Variants in ARGLU1 observed in about 807,000 individuals in gnomAD.
ARGLU1 encodes arginine and glutamate rich 1.
A neutral mutation model predicts 37.6 loss-of-function variants in ARGLU1; 9 were observed. That is an observed-to-expected ratio of 0.24 (90% CI 0.14 to 0.42). The LOEUF (loss-of-function observed/expected upper bound fraction) is 0.42, where lower values mean the gene tolerates loss of function less well. Among genes scored for constraint, ARGLU1 ranks in the 10% least tolerant of loss-of-function variants. ARGLU1 has a pLI of 1.00. For synonymous variants in ARGLU1, 166 were observed against 138.5 expected, an observed-to-expected ratio of 1.20 and a Z score of -1.39; for missense variants, 211 against 359.2, an observed-to-expected ratio of 0.59 and a Z score of 3.34.
chr13:106,557,239 C>A lies in ARGLU1; in HGVS notation c.574-108G>T, dbSNP rs1380600502. On this transcript the variant is annotated intron_variant, in intron 2 of 3. Coordinates refer to ENST00000400198, the MANE Select transcript of ARGLU1 (RefSeq NM_018011.4). This position sits in a 1 kb window ranked among gnomAD's most constrained non-coding sequence, Gnocchi z 5.0. ...TTTTTTGATATGACTTACAGGGTAG[C>A]TTTATAGCTACCTTCTGTCTGACAA... 6 of 948,978 alleles carry A rather than the reference C, an allele frequency of 6.3e-6. No homozygotes were observed. The highest frequency in any genetic ancestry group is 9.6e-6 in the Non-Finnish European group (6 of 626,792). 58.8% of individuals were successfully genotyped at this position (948,978 alleles called of 1,614,324 possible).
At chr13:106,558,522 T>G (rs1365481868) in intron 2 of ARGLU1, 12 of 985,362 alleles carry the variant, frequency 1.2e-5, no homozygotes, top group Non-Finnish European at 1.4e-5. Flanking sequence ...ATATTCATTA[T>G]GCAAACTATG....
chr13:106,547,294 C>G (rs1003220875), intron 3 of ARGLU1, among the ~76,000 whole-genome samples: 1 of 152,154 alleles, frequency 6.6e-6, no homozygotes, highest in Non-Finnish European at 1.5e-5. Context: ...CTCACACTAT[C>G]AAAATTACAT....
chr13:106,548,752 T>C (rs561733481), intron 3 of ARGLU1, among the ~76,000 whole-genome samples: 1 of 152,272 alleles, frequency 6.6e-6, no homozygotes, highest in South Asian at 2.1e-4. Context: ...CTATTTTATT[T>C]ATTTATTTAT....
At position 106,559,591 on chromosome 13, in the gene ARGLU1, T is replaced by C. The variant is rs2138973220; in HGVS notation, c.414A>G (p.Val138=). Residue 138 remains valine (V), a synonymous_variant, in exon 2 of 4, where the codon GTA becomes GTG. Coordinates refer to ENST00000400198, the MANE Select transcript of ARGLU1 (RefSeq NM_018011.4). Reference sequence around the variant, plus strand: ...CCAGTTCTTCCTCCACCCTTTTTGCTACCAATTCTTCTACTCTTCGTGCTG... The same window carrying C: ...CCAGTTCTTCCTCCACCCTTTTTGCCACCAATTCTTCTACTCTTCGTGCTG... The part of the protein sequence containing the change: ...EETARRVEEL[V]AKRVEEELEK... The C allele has an allele frequency of 6.2e-7, 1 of 1,614,238 alleles. No homozygotes were observed. Among genetic ancestry groups the C allele is most frequent in the East Asian group, 2.2e-5 (1 of 44,884 alleles).
In ARGLU1 at chr13:106,552,438, G is replaced by A. The variant is rs934384197; in HGVS notation, c.657+4610C>T. Among the ~76,000 whole-genome samples the A allele has an allele frequency of 4.6e-5, 7 of 152,020 alleles. No homozygotes were observed. In the East Asian group the frequency reaches 9.6e-4, roughly 21 times the overall value. ...ATCAATCTATTATTATAGTTTAGGC[G>A]TTTACACCAGATTCACTAGCCAGGT... On this transcript the variant is annotated intron_variant, in intron 3 of 3. Coordinates refer to ENST00000400198, the MANE Select transcript of ARGLU1 (RefSeq NM_018011.4).
At chr13:106,565,580 C>T (rs935729100) in intron 1 of ARGLU1, among the ~76,000 whole-genome samples, 3 of 152,198 alleles carry the variant, frequency 2.0e-5, no homozygotes, top group Admixed American at 6.5e-5. Context: ...GCTCAATAAA[C>T]ATCAGTTAAA....
At chr13:106,556,970 C>A in intron 3 of ARGLU1, 78 bp downstream of exon 3, 1 of 1,335,114 alleles carries the variant, frequency 7.5e-7, no homozygotes. Context: ...TTATAGGGCA[C>A]AAAAATCAAT....
chr13:106,561,541 G>A (rs749521633), intron 1 of ARGLU1, among the ~76,000 whole-genome samples: 49 of 151,830 alleles, frequency 3.2e-4, no homozygotes, highest in Non-Finnish European at 4.9e-4. Context: ...TTTCAAAACC[G>A]GTACAATGTG....
chr13:106,568,117 C>A lies in ARGLU1; in HGVS notation c.-198G>T, dbSNP rs565427919. 1 of 817,126 alleles carries A rather than the reference C, an allele frequency of 1.2e-6. No homozygotes were observed. Among genetic ancestry groups the A allele is most frequent in the Non-Finnish European group, 1.8e-6 (1 of 562,044 alleles). 50.6% of individuals were successfully genotyped at this position (817,126 alleles called of 1,614,324 possible). A position where few individuals can be genotyped will look rare whatever the true frequency, so the allele number is the denominator to read the frequency against. On this transcript the variant is annotated 5_prime_UTR_variant, in exon 1 of 4. Transcript: ENST00000400198. ...CCAACGAGAAACCCGTAGCGCCAGG[C>A]GCCCCTAAGATGGCAGCTGCGGCTG...
chr13:106,566,553 T>G (rs1159368735), intron 1 of ARGLU1, among the ~76,000 whole-genome samples: 1 of 152,186 alleles, frequency 6.6e-6, no homozygotes, highest in African/African-American at 2.4e-5. Flanking sequence ...TTTTGGAAAC[T>G]GAATACCCAG....
At chr13:106,545,638 C>G (rs1448047304) in intron 3 of ARGLU1, among the ~76,000 whole-genome samples, 1 of 152,074 alleles carries the variant, frequency 6.6e-6, no homozygotes, top group Non-Finnish European at 1.5e-5. Context: ...GAAAAGGTAA[C>G]AGGACTCCGG....
At chr13:106,559,294 C>G in intron 2 of ARGLU1, 138 bp downstream of exon 2, 1 of 1,539,020 alleles carries the variant, frequency 6.5e-7, no homozygotes. Context: ...AATTAACTTT[C>G]GCAGCAATGT....
At position 106,562,883 on chromosome 13, in the gene ARGLU1, G is replaced by A. The variant is rs577778637; in HGVS notation, c.348-3226C>T. On this transcript the variant is annotated intron_variant, in intron 1 of 3. Transcript: ENST00000400198. ...TAAAAATTAGCTGGGTGTGGTGGCG[G>A]GTGCCTGCAGTCCCAGCTACTCGGG... Among the ~76,000 whole-genome samples the A allele has an allele frequency of 1.7e-4, 25 of 150,424 alleles. No homozygotes were observed. In the South Asian group the frequency reaches 5.1e-3, roughly 31 times the overall value.
intron 2 of ARGLU1, chr13:106,558,290 C>T (rs1880707832): frequency 1.0e-6 from 1 of 984,358 alleles, no homozygotes; most frequent in African/African-American, 1.8e-5. Context: ...GTCTGTGAAA[C>T]CCACTATAAA....
At chr13:106,558,456 T>C in intron 2 of ARGLU1, 1 of 985,402 alleles carries the variant, frequency 1.0e-6, no homozygotes, top group Non-Finnish European at 1.2e-6. Context: ...AGTCAAATAT[T>C]TCAGTTCAAG....
chr13:106,558,893 T>C, intron 2 of ARGLU1: 3 of 985,442 alleles, frequency 3.0e-6, no homozygotes, highest in Non-Finnish European at 3.6e-6. Context: ...TAGTCCATTG[T>C]GCTGAAGCAG....
chr13:106,558,978 C>T (rs1880726260), intron 2 of ARGLU1: 3 of 985,270 alleles, frequency 3.0e-6, no homozygotes, highest in African/African-American at 1.7e-5. Context: ...AAAGCAGGTG[C>T]TATCACTCAA....
At chr13:106,559,806 TGACA>T in intron 1 of ARGLU1, 149 bp from the exon 2 acceptor site, 1 of 856,520 alleles carries the variant, frequency 1.2e-6, no homozygotes, top group Non-Finnish European at 1.8e-6. Context: ...TTTGAGGAAA[TGACA>T]GATACCAAGA....
intron 3 of ARGLU1, among the ~76,000 whole-genome samples, chr13:106,554,742 A>T (rs147156779): frequency 0.012 from 1,884 of 151,878 alleles, 44 homozygotes; most frequent in African/African-American, 0.043. Context: ...AAAATTAGCC[A>T]GGTGTGGTGG....
Sources: allele counts gnomAD v4.1 joint callset (sites outside exome capture counted in the v4.1 genomes callset), GRCh38; gene constraint gnomAD v4.1.1; non-coding constraint Gnocchi (gnomAD v3.1); transcripts MANE v1.5; gene names NCBI Gene and HGNC (gene_info 2026-07-23, HGNC 2026-07-21).